Variants in BANP observed in about 807,000 individuals in gnomAD.
BANP encodes BTG3 associated nuclear protein, also known as protein BANP.
A neutral mutation model predicts 68.1 loss-of-function variants in BANP; 11 were observed. The observed-to-expected ratio is 0.16, with a 90% CI of 0.10 to 0.27. The LOEUF (loss-of-function observed/expected upper bound fraction) is 0.27. BANP is among the 10% of genes least tolerant of loss of function. The pLI, the probability that BANP is intolerant of heterozygous loss-of-function variation, is 1.00. For missense variants in BANP, 504 were observed against 722.7 expected (o/e 0.70, Z 3.47); for synonymous variants, 329 against 303.2 (o/e 1.09, Z -0.88).
intron 1 of BANP, chr16:87,956,533 C>G (rs113398432): frequency 6.6e-6 from 1 of 152,256 alleles, no homozygotes; most frequent in Non-Finnish European, 1.5e-5. Context: ...CACACACTTG[C>G]AATTTGCTCT....
At chr16:88,012,105 T>C (rs926962718) in intron 6 of BANP, among the ~76,000 whole-genome samples, 1 of 152,234 alleles carries the variant, frequency 6.6e-6, no homozygotes, top group Non-Finnish European at 1.5e-5. Context: ...GCGTTCCACA[T>C]AGAATTCTTA....
At chr16:88,016,224 C>T (rs904443084) in intron 6 of BANP, among the ~76,000 whole-genome samples, 11 of 152,244 alleles carry the variant, frequency 7.2e-5, no homozygotes, top group African/African-American at 1.2e-4. Context: ...TGGGGCCTCC[C>T]GTCCATGCAG....
chr16:88,030,220 G>A (rs2077859116), intron 8 of BANP, among the ~76,000 whole-genome samples: 1 of 152,216 alleles, frequency 6.6e-6, no homozygotes, highest in South Asian at 2.1e-4. Context: ...GTAGCAGGAA[G>A]CAGGAGATTG....
chr16:88,028,712 G>A (rs886343781), intron 8 of BANP, among the ~76,000 whole-genome samples: 3 of 152,240 alleles, frequency 2.0e-5, no homozygotes, highest in East Asian at 1.9e-4. Context: ...ATGTAGCAGC[G>A]TAACCTGTGG....
rs73235252 is a variant in BANP at position 88,069,219 on chromosome 16, C to T, written c.1378-2850C>T. ...TGCCGGCAGCTCCTCCTCCTCGGTGCAGCAACTCCTCTCCGAGTTTATTTC... is the reference window on the plus strand; with the variant it reads ...TGCCGGCAGCTCCTCCTCCTCGGTGTAGCAACTCCTCTCCGAGTTTATTTC... On this transcript the variant is annotated intron_variant, in intron 12 of 13. Transcript: ENST00000682872. Among the ~76,000 whole-genome samples the T allele has an allele frequency of 5.7e-3, 875 of 152,350 alleles. 10 individuals carry two copies. The highest frequency in any genetic ancestry group is 0.02 in the African/African-American group (825 of 41,576).
chr16:87,949,978 C>T (rs1176607101), upstream of BANP, among the ~76,000 whole-genome samples: 1 of 151,398 alleles, frequency 6.6e-6, no homozygotes, highest in Non-Finnish European at 1.5e-5. Context: ...CCCGGGTTCA[C>T]GCCATTCTCC....
intron 11 of BANP, among the ~76,000 whole-genome samples, chr16:88,048,722 T>C (rs1459666129): frequency 6.6e-6 from 1 of 152,144 alleles, no homozygotes; most frequent in African/African-American, 2.4e-5. Context: ...CTAACGGTGT[T>C]CTTGGTATCA....
intron 11 of BANP, among the ~76,000 whole-genome samples, chr16:88,063,042 C>T (rs2087308127): frequency 6.6e-6 from 1 of 152,242 alleles, no homozygotes; most frequent in Admixed American, 6.5e-5. Flanking sequence ...CCCAAATCCA[C>T]AAACTATATC....
At chr16:87,958,680 G>A (rs1452289330) in intron 1 of BANP, among the ~76,000 whole-genome samples, 1 of 152,216 alleles carries the variant, frequency 6.6e-6, no homozygotes, top group African/African-American at 2.4e-5. Context: ...TCCAGCCTGG[G>A]CGGCAGAGTG....
At chr16:87,969,428 A>G (rs1265221535) in intron 1 of BANP, among the ~76,000 whole-genome samples, 1 of 151,908 alleles carries the variant, frequency 6.6e-6, no homozygotes, top group Non-Finnish European at 1.5e-5. Flanking sequence ...ATGTTTTCTG[A>G]TATCTTCTGG....
At chr16:87,988,506 C>T (rs1318001685) in intron 4 of BANP, among the ~76,000 whole-genome samples, 4 of 152,054 alleles carry the variant, frequency 2.6e-5, no homozygotes, top group African/African-American at 9.7e-5. Flanking sequence ...ACCTCATGAT[C>T]CACCCGCCTC....
chr16:88,072,732 C>T (rs771284784), intron 13 of BANP, among the ~76,000 whole-genome samples: 44 of 152,236 alleles, frequency 2.9e-4, no homozygotes, highest in African/African-American at 8.9e-4. Context: ...GAGGCCGTGC[C>T]GAAATCTCCA....
rs551735678 is a variant in BANP at position 88,040,259 on chromosome 16, T to C, written c.1311+2248T>C. Among the ~76,000 whole-genome samples, 491 of 151,802 alleles carry C rather than the reference T, an allele frequency of 3.2e-3. 1 individual carries two copies. Among genetic ancestry groups the C allele is most frequent in the Non-Finnish European group, 5.4e-3 (368 of 67,778 alleles). ...CGTTTTCCATTTGTGGAAATCCTTT[T>C]TTTTTTTTTTTTCCATCATTTGGCC... On this transcript the variant is annotated intron_variant, in intron 11 of 13. Transcript: ENST00000682872.
intron 6 of BANP, among the ~76,000 whole-genome samples, chr16:88,010,914 G>GCATTTAGCTACAAACATGCCTCGGA (rs11271660): frequency 7.9e-5 from 12 of 151,776 alleles, no homozygotes; most frequent in African/African-American, 2.7e-4. Context: ...GGAAAGGAGA[G>GCATTTAGCTACAAACATGCCTCGGA]CATTTATTTA....
intron 7 of BANP, among the ~76,000 whole-genome samples, chr16:88,023,634 A>G (rs1398896669): frequency 6.6e-6 from 1 of 152,212 alleles, no homozygotes; most frequent in Admixed American, 6.5e-5. Flanking sequence ...ACCAAGGCAC[A>G]AGATGACAAG....
chr16:88,015,954 C>T (rs968615311), intron 6 of BANP, among the ~76,000 whole-genome samples: 14 of 152,242 alleles, frequency 9.2e-5, no homozygotes, highest in African/African-American at 3.1e-4. Context: ...CCCTGGCCTG[C>T]GCCCAGTCTG....
At chr16:88,019,339 C>T (rs1202769750) in intron 7 of BANP, among the ~76,000 whole-genome samples, 3 of 152,116 alleles carry the variant, frequency 2.0e-5, no homozygotes, top group African/African-American at 4.8e-5. Flanking sequence ...AGCCGTCCTC[C>T]TGGCTTCTAA....
At chr16:88,037,338 A>G (rs1447628803) in intron 10 of BANP, 1 of 152,452 alleles carries the variant, frequency 6.6e-6, no homozygotes, top group East Asian at 1.9e-4. Context: ...ATTGCTAATA[A>G]TACTAACGAT....
At chr16:88,020,083 G>T (rs868039868) in intron 7 of BANP, among the ~76,000 whole-genome samples, 6 of 152,210 alleles carry the variant, frequency 3.9e-5, no homozygotes, top group Non-Finnish European at 8.8e-5. Context: ...CACACGTGGG[G>T]CCTCCTCACA....
Sources: gnomAD v4.1 joint callset for allele counts (sites outside exome capture counted in the v4.1 genomes callset) on GRCh38, gnomAD v4.1.1 for gene constraint, MANE v1.5 for transcripts, NCBI Gene and HGNC (gene_info 2026-07-23, HGNC 2026-07-21) for gene names.